EXOG: variants seen among roughly 807,000 people sequenced by gnomAD.
The protein encoded by EXOG is nuclease EXOG, mitochondrial.
EXOG carries 27 observed loss-of-function variants against 25.8 expected under a neutral mutation model. The ratio of observed to expected loss-of-function variants is 1.05; its 90% CI spans 0.77 to 1.45. The LOEUF is 1.45. EXOG is among the 40% of genes most tolerant of loss of function. The pLI, the probability that EXOG is intolerant of heterozygous loss-of-function variation, is 0.00. For synonymous variants in EXOG, 133 were observed against 167.0 expected (o/e 0.80, Z 1.57); for missense variants, 458 against 450.5 (o/e 1.02, Z -0.15).
Position 38,525,837 on chromosome 3 carries a change from G to A in EXOG, c.*1475G>A, listed in dbSNP as rs902824573. 16 of 399,574 alleles carry A rather than the reference G, an allele frequency of 4.0e-5. No homozygotes were observed. Among genetic ancestry groups the A allele is most frequent in the Non-Finnish European group, 5.1e-5 (15 of 294,668 alleles). The allele number at this position is 399,574 out of a possible 1,614,324, so 24.8% of individuals were successfully genotyped here. A position where few individuals can be genotyped will look rare whatever the true frequency, so the allele number is the denominator to read the frequency against. ...TGCACACCTGTAGTCCCAGCTACTC[G>A]GGAGGCTGAAATGGGAGGATTGCTT... On this transcript the variant is annotated 3_prime_UTR_variant, in exon 6 of 6. Transcript: ENST00000287675.
In EXOG at chr3:38,522,653, C is replaced by T. The variant is rs913681598; in HGVS notation, c.646-1248C>T. Among the ~76,000 whole-genome samples, 14 of 152,098 alleles carry T rather than the reference C, an allele frequency of 9.2e-5. No individual in the cohort carries two copies. The South Asian group carries it at 1.0e-3, about 11-fold the overall frequency. On this transcript the variant is annotated intron_variant, in intron 5 of 5. Coordinates refer to ENST00000287675, the MANE Select transcript of EXOG (RefSeq NM_005107.4). The stretch of plus-strand genomic sequence containing the variant: ...CCGAGTAGCAGGGATTACAGGCATG[C>T]GCCACCACGCCCAGCTAATTTTGTA...
At chr3:38,523,130 C>T (rs1207285375) in intron 5 of EXOG, 2 of 1,060,394 alleles carry the variant, frequency 1.9e-6, no homozygotes, top group African/African-American at 3.3e-5. Flanking sequence ...CTGTTTAGTT[C>T]CCTAGTGAAT....
At chr3:38,496,749 G>A in intron 1 of EXOG, 1 of 1,434,764 alleles carries the variant, frequency 7.0e-7, no homozygotes, top group South Asian at 1.4e-5. Flanking sequence ...GGGCATCTTC[G>A]TTTTCTGCAC....
chr3:38,519,267 G>T (rs2125797218), intron 5 of EXOG: 1 of 152,280 alleles, frequency 6.6e-6, no homozygotes, highest in South Asian at 2.1e-4. Context: ...TATAGCTGAG[G>T]TCATCCCTGT....
rs2060802386 is a variant in EXOG, at chr3:38,523,949, A to G, written c.694A>G (p.Ile232Val). The change falls in exon 6 of 6, where the codon ATC (isoleucine) becomes GTC (valine). Residue 232 changes from isoleucine (I) to valine (V), a missense_variant. Physicochemically the swap from Ile to Val is conservative, Grantham distance 29. Transcript: ENST00000287675. ...AGTCCCCTCACACCTTTATAAGGTA[A>G]TCCTGGCCCGCAGAAGCTCAGTATC... ...VAVPSHLYKVILARRSSVSTE... is the reference protein window; with the variant it reads ...VAVPSHLYKVVLARRSSVSTE... The G allele has an allele frequency of 6.2e-7, 1 of 1,603,086 alleles. No homozygotes were observed. Among genetic ancestry groups the G allele is most frequent in the Non-Finnish European group, 8.5e-7 (1 of 1,174,336 alleles).
At chr3:38,515,585 C>A in intron 5 of EXOG, 1 of 182,306 alleles carries the variant, frequency 5.5e-6, no homozygotes. Flanking sequence ...CGGTTCTCCT[C>A]AGTGGTGTCC....
rs777801868 is a variant in EXOG at position 38,497,696 on chromosome 3, C to T, written c.231C>T (p.Tyr77=). 1 of 1,606,140 alleles carries T rather than the reference C, an allele frequency of 6.2e-7. No homozygotes were observed. Among genetic ancestry groups the T allele is most frequent in the Non-Finnish European group, 8.5e-7 (1 of 1,176,818 alleles). ...TAACTGGAACAGAGGCAAGGTGTTACACTAATCACGCTTTGTCTTATGATC... is the reference window on the plus strand; with the variant it reads ...TAACTGGAACAGAGGCAAGGTGTTATACTAATCACGCTTTGTCTTATGATC... The part of the protein sequence containing the change: ...FPLTGTEARC[Y]TNHALSYDQA... Residue 77 remains tyrosine, a synonymous_variant, in exon 2 of 6, where the codon TAC becomes TAT. Transcript: ENST00000287675.
At chr3:38,503,948 C>T (rs1304807458) in intron 4 of EXOG, among the ~76,000 whole-genome samples, 1 of 152,106 alleles carries the variant, frequency 6.6e-6, no homozygotes, top group East Asian at 1.9e-4. Flanking sequence ...AGAAATGACT[C>T]AAAATAATAA....
chr3:38,497,035 T>C lies in EXOG; in HGVS notation c.163+505T>C, dbSNP rs143752165. ...AAGAATACCTGCTATCCCTCCAAAG[T>C]GTATAAAAACTCATGTTGCAATGGG... On this transcript the variant is annotated intron_variant, in intron 1 of 5. Coordinates refer to ENST00000287675, the MANE Select transcript of EXOG (RefSeq NM_005107.4). 1,322 of 1,011,832 alleles carry C rather than the reference T, an allele frequency of 1.3e-3. 12 individuals carry two copies. In the African/African-American group the frequency reaches 0.022, roughly 17 times the overall value. 62.7% of individuals were successfully genotyped at this position (1,011,832 alleles called of 1,614,324 possible).
At chr3:38,498,315 G>A (rs1258871872) in intron 2 of EXOG, among the ~76,000 whole-genome samples, 1 of 152,214 alleles carries the variant, frequency 6.6e-6, no homozygotes, top group African/African-American at 2.4e-5. Flanking sequence ...TGTAATCCCA[G>A]TACTTTGGGA....
Position 38,524,012 on chromosome 3 carries a change from A to G in EXOG, c.757A>G (p.Asn253Asp). Residue 253 changes from asparagine to aspartate, a missense_variant, in exon 6 of 6, where the codon AAT becomes GAT. Asn to Asp is a conservative substitution (Grantham distance 23). Around this residue, in one of 3 missense-constraint regions of EXOG, gnomAD observed 178 missense variants for 203.7 expected, o/e 0.87. Transcript: ENST00000287675. ...PLALGAFVVP[N>D]EAIGFQPQLT... is the part of the protein sequence containing the mutation. The stretch of plus-strand genomic sequence containing the variant: ...GGCGCTAGGGGCCTTTGTGGTACCC[A>G]ATGAAGCCATCGGCTTCCAGCCCCA... 2 of 1,614,172 alleles carry G rather than the reference A, an allele frequency of 1.2e-6. No individual in the cohort carries two copies. Among genetic ancestry groups the G allele is most frequent in the Non-Finnish European group, 1.7e-6 (2 of 1,179,996 alleles).
chr3:38,514,875 A>G (rs2060490217), intron 5 of EXOG, among the ~76,000 whole-genome samples: 1 of 148,698 alleles, frequency 6.7e-6, no homozygotes, highest in Non-Finnish European at 1.5e-5. Context: ...GGTTCAAGCA[A>G]TTCTTCTGCC....
chr3:38,520,018 C>CT (rs1249430790), intron 5 of EXOG, among the ~76,000 whole-genome samples: 1 of 152,072 alleles, frequency 6.6e-6, no homozygotes, highest in Non-Finnish European at 1.5e-5. Flanking sequence ...TTTGGAGTTT[C>CT]TTTTTTTGTC....
At position 38,524,857 on chromosome 3, in the gene EXOG, T is replaced by C. The variant is rs531471636; in HGVS notation, c.*495T>C. 1 of 986,324 alleles carries C rather than the reference T, an allele frequency of 1.0e-6. No individual in the cohort carries two copies. Among genetic ancestry groups the C allele is most frequent in the South Asian group, 4.7e-5 (1 of 21,320 alleles). The allele number at this position is 986,324 out of a possible 1,614,324, so 61.1% of individuals were successfully genotyped here. Reference sequence around the variant, plus strand: ...GTGGATGTAGAGTATTGGGAAGGCATTTGTTTAGTTTCATGCCTCCAAACC... The same window carrying C: ...GTGGATGTAGAGTATTGGGAAGGCACTTGTTTAGTTTCATGCCTCCAAACC... On this transcript the variant is annotated 3_prime_UTR_variant, in exon 6 of 6. Coordinates refer to ENST00000287675, the MANE Select transcript of EXOG (RefSeq NM_005107.4).
chr3:38,504,211 T>A (rs1042193274), intron 4 of EXOG, among the ~76,000 whole-genome samples: 1 of 151,838 alleles, frequency 6.6e-6, no homozygotes, highest in Non-Finnish European at 1.5e-5. Context: ...ACTAAAAATT[T>A]AAAAAATTAA....
At chr3:38,506,255 A>G (rs1199133615) in intron 4 of EXOG, among the ~76,000 whole-genome samples, 2 of 152,182 alleles carry the variant, frequency 1.3e-5, no homozygotes, top group Non-Finnish European at 2.9e-5. Flanking sequence ...CATTATAAAG[A>G]TTGTTGTGAA....
intron 5 of EXOG, among the ~76,000 whole-genome samples, chr3:38,517,105 C>A (rs1228642217): frequency 6.6e-6 from 1 of 152,214 alleles, no homozygotes; most frequent in African/African-American, 2.4e-5. Flanking sequence ...CGTCTTCGAA[C>A]TTTCACTCAA....
Position 38,524,307 on chromosome 3 carries a change from TAGA to T in EXOG, c.1057_1059del (p.Glu353del), listed in dbSNP as rs2060820220. 4 of 1,612,772 alleles carry T rather than the reference TAGA, an allele frequency of 2.5e-6. No individual in the cohort carries two copies. ...TTTATGAGTCGCTATGAGAAGAAGC[TAGA>T]AGAACTCAAAGCTAAGGAGCAGTCA... On this transcript the variant is annotated inframe_deletion, in exon 6 of 6. Coordinates refer to ENST00000287675, the MANE Select transcript of EXOG (RefSeq NM_005107.4).
In EXOG at chr3:38,509,003, T is replaced by C. The variant is rs2060289185; in HGVS notation, c.645+2035T>C. 5.9e-5 allele frequency among the ~76,000 whole-genome samples: 9 copies of C among 152,214 alleles called. No individual in the cohort carries two copies. The South Asian group carries it at 1.9e-3, about 32-fold the overall frequency. On this transcript the variant is annotated intron_variant, in intron 5 of 5. Coordinates refer to ENST00000287675, the MANE Select transcript of EXOG (RefSeq NM_005107.4). ...AAAGGAATTAGTATTTTAAAATTAA[T>C]TCATTTAATATCTCTCCTCCCATAT...
Sources: allele counts gnomAD v4.1 joint callset (sites outside exome capture counted in the v4.1 genomes callset), GRCh38; gene constraint gnomAD v4.1.1; regional missense constraint gnomAD v4.1.1; transcripts MANE v1.5; gene names NCBI Gene and HGNC (gene_info 2026-07-23, HGNC 2026-07-21).